The following BAIAP2 variants were observed in gnomAD, a reference collection of about 807,000 sequenced individuals.
The protein encoded by BAIAP2 is BAR/IMD domain containing adaptor protein 2, also known as BAR/IMD domain-containing adapter protein 2.
A neutral mutation model predicts 63.0 loss-of-function variants in BAIAP2; 18 were observed. That is an observed-to-expected ratio of 0.29 (90% CI 0.20 to 0.42). BAIAP2 has a LOEUF of 0.42. BAIAP2 is among the 10% of genes least tolerant of loss of function. BAIAP2 has a pLI of 1.00. For synonymous variants in BAIAP2, 386 were observed against 307.6 expected (o/e 1.25, Z -2.67); for missense variants, 610 against 734.3 (o/e 0.83, Z 1.96).
chr17:81,053,588 T>G, intron 1 of BAIAP2, 80 bp from the exon 2 acceptor site: 1 of 1,518,980 alleles, frequency 6.6e-7, no homozygotes, highest in South Asian at 1.1e-5. Context: ...GCTCTGGGTT[T>G]TCTCCTCTGT....
intron 6 of BAIAP2, chr17:81,097,641 G>T (rs7503985): frequency 0.69 from 106,518 of 153,330 alleles, 37,215 homozygotes; most frequent in Admixed American, 0.72. Context: ...GGTGGACGGG[G>T]GGTCTGAGTC....
intron 3 of BAIAP2, among the ~76,000 whole-genome samples, chr17:81,071,439 A>T (rs185321984): frequency 6.6e-6 from 1 of 152,294 alleles, no homozygotes; most frequent in East Asian, 1.9e-4. Context: ...AGCCACCAGG[A>T]TAATTGAGAG....
chr17:81,077,563 CA>C (rs10564899), intron 3 of BAIAP2, among the ~76,000 whole-genome samples: 79,283 of 146,776 alleles, frequency 0.54, 21,278 homozygotes, highest in East Asian at 0.68. Flanking sequence ...GACTCTGTCT[CA>C]AAAAAAAAAA....
chr17:81,080,456 C>T (rs2054412080), intron 3 of BAIAP2, among the ~76,000 whole-genome samples: 1 of 152,256 alleles, frequency 6.6e-6, no homozygotes, highest in African/African-American at 2.4e-5. Context: ...CATTGTGGGG[C>T]TGGGGGCTCG....
chr17:81,104,616 A>G lies in BAIAP2; in HGVS notation c.1169A>G (p.Asn390Ser), dbSNP rs750134441. Residue 390 changes from asparagine (N) to serine (S), a missense_variant, in exon 10 of 14, where the codon AAC (asparagine) becomes AGC (serine). Physicochemically the swap from Asn to Ser is conservative, Grantham distance 46. Transcript: ENST00000428708. ...KAIFSHAAGD[N>S]STLLSFKEGD... ...ATCTTCTCCCACGCTGCTGGGGACA[A>G]CAGCACCCTCCTGAGCTTCAAGGAG... 1.9e-6 allele frequency: 3 copies of G among 1,612,182 alleles called. No individual in the cohort carries two copies. Among genetic ancestry groups the G allele is most frequent in the Non-Finnish European group, 1.7e-6 (2 of 1,179,738 alleles).
chr17:81,109,861 G>A (rs987396084), intron 13 of BAIAP2: 9 of 985,230 alleles, frequency 9.1e-6, no homozygotes, highest in East Asian at 2.3e-4. Context: ...ATGCTGCCCC[G>A]GGCTACCTGG....
At chr17:81,048,360 A>C (rs2048146138) in intron 1 of BAIAP2, among the ~76,000 whole-genome samples, 1 of 115,664 alleles carries the variant, frequency 8.6e-6, no homozygotes. Flanking sequence ...CTGTCTCAAA[A>C]AAAAAAAAAA....
chr17:81,088,640 G>A (rs941785295), intron 6 of BAIAP2, among the ~76,000 whole-genome samples: 3 of 152,170 alleles, frequency 2.0e-5, no homozygotes, highest in South Asian at 4.1e-4. Flanking sequence ...CACGTGGCAC[G>A]GAGGGTTCTT....
chr17:81,072,388 C>T (rs2052847713), intron 3 of BAIAP2, among the ~76,000 whole-genome samples: 1 of 152,228 alleles, frequency 6.6e-6, no homozygotes, highest in Admixed American at 6.5e-5. Flanking sequence ...ATGTCCATGC[C>T]TTGTGGCCAC....
intron 1 of BAIAP2, among the ~76,000 whole-genome samples, chr17:81,050,345 T>C (rs1225154775): frequency 6.9e-6 from 1 of 144,436 alleles, no homozygotes; most frequent in East Asian, 1.9e-4. Flanking sequence ...CCAGGTGTCC[T>C]GGTGGCTGTT....
Position 81,109,284 on chromosome 17 carries a change from G to GGCCTCACCCTGC in BAIAP2, c.1535+776_1535+787dup, listed in dbSNP as rs1740909317. On this transcript the variant is annotated intron_variant, in intron 13 of 13. Transcript: ENST00000428708. ...CTGCTGGGCCGTGCGGGGCACCCTC[G>GGCCTCACCCTGC]GCCTCACCCTGCAGTGTCTGTGGCA... 2.4e-6 allele frequency: 3 copies of GGCCTCACCCTGC among 1,265,866 alleles called. No homozygotes were observed. The African/African-American group carries it at 4.7e-5, about 20-fold the overall frequency. The allele number at this position is 1,265,866 out of a possible 1,614,324, so 78.4% of individuals were successfully genotyped here.
intron 3 of BAIAP2, among the ~76,000 whole-genome samples, chr17:81,064,368 A>G (rs1176705754): frequency 6.6e-6 from 1 of 151,984 alleles, no homozygotes; most frequent in Non-Finnish European, 1.5e-5. Flanking sequence ...ATTCGGCTGC[A>G]CTGACTCCCG....
At chr17:81,110,539 G>A (rs1009225898) in intron 13 of BAIAP2, 2 of 1,129,150 alleles carry the variant, frequency 1.8e-6, no homozygotes, top group Admixed American at 4.5e-5. Context: ...CCTCCTTCCG[G>A]TTCCCGGCGT....
In BAIAP2 at chr17:81,076,990, C is replaced by T. The variant is rs112984759; in HGVS notation, c.218-7842C>T. ...TGGCTCTAAAAAGACAAGAAGGAGA[C>T]TCTGAGGCAGGCTGCACCATGGATG... is the stretch of plus-strand genomic sequence containing the variant. On this transcript the variant is annotated intron_variant, in intron 3 of 13. Coordinates refer to ENST00000428708, the MANE Select transcript of BAIAP2 (RefSeq NM_001144888.2). Among the ~76,000 whole-genome samples, 14 of 152,214 alleles carry T rather than the reference C, an allele frequency of 9.2e-5. 1 individual carries two copies. Among genetic ancestry groups the T allele is most frequent in the African/African-American group, 3.4e-4 (14 of 41,528 alleles).
chr17:81,050,765 ATGTGTG>A (rs1297247018), intron 1 of BAIAP2, among the ~76,000 whole-genome samples: 1 of 150,152 alleles, frequency 6.7e-6, no homozygotes, highest in Non-Finnish European at 1.5e-5. Context: ...GCACACATGC[ATGTGTG>A]TATGCACACA....
chr17:81,044,972 T>G (rs1190914358), intron 1 of BAIAP2, among the ~76,000 whole-genome samples: 2 of 152,158 alleles, frequency 1.3e-5, no homozygotes, highest in African/African-American at 4.8e-5. Context: ...GGAAGGTGTG[T>G]GTAAGGGGCT....
chr17:81,109,608 C>A (rs2059653975), intron 13 of BAIAP2: 1 of 985,090 alleles, frequency 1.0e-6, no homozygotes, highest in South Asian at 4.7e-5. Context: ...GAGGGGCCTC[C>A]TGAGGAAGCC....
At chr17:81,098,872 T>C (rs2058073737) in intron 6 of BAIAP2, among the ~76,000 whole-genome samples, 1 of 152,238 alleles carries the variant, frequency 6.6e-6, no homozygotes, top group African/African-American at 2.4e-5. Context: ...AGGGTCTGGC[T>C]TGACTACCTG....
At chr17:81,078,856 T>C (rs886928678) in intron 3 of BAIAP2, among the ~76,000 whole-genome samples, 1 of 152,034 alleles carries the variant, frequency 6.6e-6, no homozygotes, top group Non-Finnish European at 1.5e-5. Flanking sequence ...TTTTGGGGTG[T>C]TTGACCTCCA....
Sources: allele counts gnomAD v4.1 joint callset (sites outside exome capture counted in the v4.1 genomes callset), GRCh38; gene constraint gnomAD v4.1.1; transcripts MANE v1.5; gene names NCBI Gene and HGNC (gene_info 2026-07-23, HGNC 2026-07-21).